SFMBT1: variants seen among roughly 807,000 people sequenced by gnomAD.
The protein encoded by SFMBT1 is scm-like with four MBT domains protein 1.
In SFMBT1, 32 loss-of-function variants were observed where a neutral mutation model predicts 108.7. The ratio of observed to expected loss-of-function variants is 0.29; its 90% CI spans 0.22 to 0.40. The LOEUF (loss-of-function observed/expected upper bound fraction) is 0.40, where lower values mean the gene tolerates loss of function less well. Among genes scored for constraint, SFMBT1 ranks in the 10% least tolerant of loss-of-function variants. The pLI, the probability that SFMBT1 is intolerant of heterozygous loss-of-function variation, is 1.00. For missense variants in SFMBT1, 816 were observed against 1,059.6 expected, an observed-to-expected ratio of 0.77 and a Z score of 3.19; for synonymous variants, 348 against 369.5, an observed-to-expected ratio of 0.94 and a Z score of 0.67.
At position 52,913,458 on chromosome 3, in the gene SFMBT1, G is replaced by A. The variant is rs775692195; in HGVS notation, c.1620+20C>T. ...TGCTGTGAAATTTCCAAGTTATTTT[G>A]CTCTAGGCCAGAACCTTACCTCTCT... On this transcript the variant is annotated intron_variant, in intron 15 of 20. Transcript: ENST00000394752. 1.2e-6 allele frequency: 2 copies of A among 1,604,260 alleles called. No individual in the cohort carries two copies. The highest frequency in any genetic ancestry group is 2.7e-5 in the African/African-American group (2 of 74,356).
intron 1 of SFMBT1, among the ~76,000 whole-genome samples, chr3:53,037,476 G>C (rs1294105576): frequency 6.6e-6 from 1 of 152,116 alleles, no homozygotes; most frequent in East Asian, 1.9e-4. Context: ...ATTTTTAAGT[G>C]CAACTATAAC....
chr3:53,039,084 C>T (rs1416327240), intron 1 of SFMBT1, among the ~76,000 whole-genome samples: 1 of 152,190 alleles, frequency 6.6e-6, no homozygotes, highest in African/African-American at 2.4e-5. Flanking sequence ...TTCCACCCTG[C>T]TGTCACAATC....
At chr3:53,008,102 G>A (rs1338127640) in intron 1 of SFMBT1, among the ~76,000 whole-genome samples, 1 of 151,558 alleles carries the variant, frequency 6.6e-6, no homozygotes, top group Non-Finnish European at 1.5e-5. Flanking sequence ...GAAAGGAGCT[G>A]GAAGGTCTTT....
chr3:52,905,423 C>G (rs1239074870), intron 20 of SFMBT1, 147 bp from the exon 21 acceptor site: 11 of 679,434 alleles, frequency 1.6e-5, no homozygotes, highest in Non-Finnish European at 1.9e-5. Context: ...TCACACACTT[C>G]CTTTTAAGTG....
intron 18 of SFMBT1, 76 bp from the exon 19 acceptor site, chr3:52,907,390 T>G (rs1702092159): frequency 1.3e-6 from 2 of 1,532,436 alleles, no homozygotes; most frequent in South Asian, 2.6e-5. Flanking sequence ...AAAAAAATAA[T>G]AAAGAAAGAA....
chr3:52,927,870 C>T (rs1031974755), intron 9 of SFMBT1, among the ~76,000 whole-genome samples: 1 of 152,138 alleles, frequency 6.6e-6, no homozygotes, highest in African/African-American at 2.4e-5. Flanking sequence ...CTCTGCCACC[C>T]CTAACAGACA....
intron 13 of SFMBT1, 143 bp from the exon 14 acceptor site, chr3:52,916,357 T>C (rs1702355823): frequency 2.3e-4 from 1 of 4,306 alleles, no homozygotes; most frequent in Non-Finnish European, 7.7e-3. Context: ...TTGATGATAC[T>C]TTTTTTTTTT....
chr3:52,907,689 G>A lies in SFMBT1; in HGVS notation c.1951C>T (p.Pro651Ser), dbSNP rs1367871006. ...CAAGCTAAGTTACTATGCCCACCAG[G>A]TGGCCTCCCAATTCTTTTATTTTTC... ...KKKNKRIGRP[P>S]GGHSNLACAL... The change falls in exon 18 of 21, where the codon CCT becomes TCT. Residue 651 changes from proline (P) to serine (S), a missense_variant. Coordinates refer to ENST00000394752, the MANE Select transcript of SFMBT1 (RefSeq NM_016329.4). 1.2e-6 allele frequency: 2 copies of A among 1,613,384 alleles called. No individual in the cohort carries two copies. The highest frequency in any genetic ancestry group is 1.7e-5 in the Admixed American group (1 of 59,794).
At chr3:53,019,820 T>G (rs1244641867) in intron 1 of SFMBT1, among the ~76,000 whole-genome samples, 1 of 152,130 alleles carries the variant, frequency 6.6e-6, no homozygotes, top group African/African-American at 2.4e-5. Context: ...CAAACCTACT[T>G]AAAACCTTTC....
At position 52,907,094 on chromosome 3, in the gene SFMBT1, T is replaced by A; in HGVS notation, c.2306A>T (p.Asp769Val). 1 of 1,612,872 alleles carries A rather than the reference T, an allele frequency of 6.2e-7. No homozygotes were observed. The highest frequency in any genetic ancestry group is 8.5e-7 in the Non-Finnish European group (1 of 1,179,658). Residue 769 changes from aspartate (D) to valine (V), a missense_variant, in exon 19 of 21, where the codon GAT (aspartate) becomes GTT (valine). By Grantham distance (152) the Asp-to-Val change is radical (BLOSUM62 -3). Around this residue, in one of 5 missense-constraint regions of SFMBT1, gnomAD observed 177 missense variants for 182.0 expected, o/e 0.97. Transcript: ENST00000394752. ...RELRTFSFSD[D>V]ENKPPSPKEI... The stretch of plus-strand genomic sequence containing the variant: ...CTTTGGTGAAGGAGGTTTATTTTCA[T>A]CGTCAGAAAATGAAAAGGTGCGAAG...
chr3:52,978,066 A>T (rs1704579336), intron 1 of SFMBT1, among the ~76,000 whole-genome samples: 1 of 152,194 alleles, frequency 6.6e-6, no homozygotes, highest in Non-Finnish European at 1.5e-5. Context: ...GCCCTCATGA[A>T]GCTTATATTT....
chr3:53,009,812 A>G (rs1698882007), intron 1 of SFMBT1, among the ~76,000 whole-genome samples: 1 of 152,226 alleles, frequency 6.6e-6, no homozygotes, highest in Non-Finnish European at 1.5e-5. Flanking sequence ...TAAACTAGAG[A>G]AAACAAAATA....
At chr3:52,916,379 T>A (rs202089680) in intron 13 of SFMBT1, among the ~76,000 whole-genome samples, 165 bp from the exon 14 acceptor site, 14 of 77,864 alleles carry the variant, frequency 1.8e-4, no homozygotes, top group East Asian at 8.4e-4. Context: ...TTTTTTTTTT[T>A]AAAAGAACAA....
intron 1 of SFMBT1, among the ~76,000 whole-genome samples, chr3:52,991,764 A>G (rs1268247865): frequency 6.6e-6 from 1 of 152,064 alleles, no homozygotes; most frequent in Non-Finnish European, 1.5e-5. Flanking sequence ...TTGCTTTCAC[A>G]TTCCCTTCCA....
In SFMBT1 at chr3:52,980,655, T is replaced by TAA. The variant is rs34854186; in HGVS notation, c.-130-11399_-130-11398dup. On this transcript the variant is annotated intron_variant, in intron 1 of 20. Transcript: ENST00000394752. The stretch of plus-strand genomic sequence containing the variant: ...TAAATCCAGCACAAGGACCATTGTT[T>TAA]AAAAAAAAAAAAAAAAAAGCAAAGG... Among the ~76,000 whole-genome samples the TAA allele has an allele frequency of 4.2e-4, 53 of 125,126 alleles. No homozygotes were observed. In the South Asian group the frequency reaches 0.011, roughly 27 times the overall value. 82.1% of individuals were successfully genotyped at this position (125,126 alleles called of 152,430 possible).
chr3:52,937,824 AC>A (rs2106805943), intron 4 of SFMBT1, among the ~76,000 whole-genome samples: 1 of 151,756 alleles, frequency 6.6e-6, no homozygotes, highest in South Asian at 2.1e-4. Flanking sequence ...CTCGTGATCC[AC>A]CCGCCTCGGC....
intron 1 of SFMBT1, among the ~76,000 whole-genome samples, chr3:52,988,900 C>G (rs944912783): frequency 7.9e-5 from 12 of 152,168 alleles, no homozygotes; most frequent in Non-Finnish European, 1.6e-4. Flanking sequence ...CACTTGGCAG[C>G]CTTCTGTTTG....
intron 13 of SFMBT1, among the ~76,000 whole-genome samples, chr3:52,917,599 G>A (rs1023849721): frequency 5.9e-5 from 9 of 152,140 alleles, no homozygotes; most frequent in East Asian, 1.9e-4. Flanking sequence ...ACCAGTACCC[G>A]TCTATGGCCT....
At chr3:52,931,772 G>A (rs145936580) in intron 6 of SFMBT1, among the ~76,000 whole-genome samples, 32 of 152,106 alleles carry the variant, frequency 2.1e-4, no homozygotes, top group African/African-American at 7.0e-4. Context: ...CCCGGGAGGC[G>A]GAGGTTGCAG....
Sources: gnomAD v4.1 joint callset for allele counts (sites outside exome capture counted in the v4.1 genomes callset) on GRCh38, gnomAD v4.1.1 for gene constraint, gnomAD v4.1.1 regional missense constraint, MANE v1.5 for transcripts, NCBI Gene and HGNC (gene_info 2026-07-23, HGNC 2026-07-21) for gene names.